Variants in GLI3 observed in about 807,000 individuals in gnomAD.
The protein encoded by GLI3 is GLI family zinc finger 3, also known as transcription activator GLI3.
GLI3 carries 20 observed loss-of-function variants against 100.8 expected under a neutral mutation model. The ratio of observed to expected loss-of-function variants is 0.20; its 90% CI spans 0.14 to 0.29. The LOEUF is 0.29. Among genes scored for constraint, GLI3 ranks in the 10% least tolerant of loss-of-function variants. The probability of loss-of-function intolerance (pLI) is 1.00; values close to 1 mark genes in which losing one functional copy is unlikely to be tolerated. For missense variants in GLI3, 2,040 were observed against 2,128.5 expected, an observed-to-expected ratio of 0.96 and a Z score of 0.82; for synonymous variants, 938 against 860.5, an observed-to-expected ratio of 1.09 and a Z score of -1.58.
intron 4 of GLI3, among the ~76,000 whole-genome samples, chr7:42,073,342 G>A (rs926223080): frequency 1.2e-4 from 19 of 152,220 alleles, no homozygotes; most frequent in South Asian, 6.2e-4. Flanking sequence ...ACAAACTGAC[G>A]TATTTCCGTA....
intron 3 of GLI3, among the ~76,000 whole-genome samples, chr7:42,144,653 T>C (rs1022242626): frequency 5.9e-5 from 9 of 152,174 alleles, no homozygotes; most frequent in Non-Finnish European, 1.3e-4. Context: ...AATAAAAATT[T>C]TACAGATGTC....
At chr7:42,211,960 A>C (rs937770935) in intron 2 of GLI3, among the ~76,000 whole-genome samples, 9 of 152,158 alleles carry the variant, frequency 5.9e-5, no homozygotes, top group Non-Finnish European at 1.2e-4. Context: ...TTTTCCATTC[A>C]ACTTTTCTTT....
At chr7:42,066,677 G>A (rs537253361) in intron 4 of GLI3, among the ~76,000 whole-genome samples, 1 of 152,236 alleles carries the variant, frequency 6.6e-6, no homozygotes, top group African/African-American at 2.4e-5. Flanking sequence ...ATCCACAACC[G>A]TGCAGCTATT....
intron 9 of GLI3, among the ~76,000 whole-genome samples, chr7:42,024,401 G>A (rs28491362): frequency 0.07 from 10,617 of 151,548 alleles, 468 homozygotes; most frequent in Non-Finnish European, 0.096. Flanking sequence ...GCTGTCTGGC[G>A]ATATGCAAGA....
chr7:42,069,343 G>T (rs1318566714), intron 4 of GLI3, among the ~76,000 whole-genome samples: 1 of 152,188 alleles, frequency 6.6e-6, no homozygotes, highest in Admixed American at 6.5e-5. Flanking sequence ...GCAAAGTAAA[G>T]TGTGTATCGG....
At position 42,256,993 on chromosome 7, in the gene GLI3, T is replaced by G. The variant is rs988700865; in HGVS notation, c.-43+7001A>C. Among the ~76,000 whole-genome samples the G allele has an allele frequency of 2.6e-5, 4 of 152,182 alleles. No individual in the cohort carries two copies. In the East Asian group the frequency reaches 7.7e-4, roughly 29 times the overall value. ...ATTTTATTTCACATGTCTTGCATAT[T>G]ACTTGTTAAACCTAGCCCTAAATTT... On this transcript the variant is annotated intron_variant, in intron 1 of 2. Transcript: ENST00000678978.
At chr7:42,111,812 C>T (rs1253083062) in intron 3 of GLI3, among the ~76,000 whole-genome samples, 1 of 152,158 alleles carries the variant, frequency 6.6e-6, no homozygotes, top group Non-Finnish European at 1.5e-5. Flanking sequence ...CTTAGGTTTG[C>T]ACAGTCTGTA....
intron 10 of GLI3, among the ~76,000 whole-genome samples, chr7:42,016,353 C>T (rs1788762478): frequency 6.6e-6 from 1 of 152,182 alleles, no homozygotes; most frequent in African/African-American, 2.4e-5. Flanking sequence ...CGACATCTTT[C>T]TGCAATTACT....
chr7:42,055,077 A>G lies in GLI3; in HGVS notation c.474-6381T>C, dbSNP rs142748241. Among the ~76,000 whole-genome samples the G allele has an allele frequency of 3.4e-3, 439 of 129,676 alleles. 6 individuals carry two copies. The highest frequency in any genetic ancestry group is 0.033 in the East Asian group (169 of 5,046). The allele number at this position is 129,676 out of a possible 152,430, so 85.1% of individuals were successfully genotyped here. A position where few individuals can be genotyped will look rare whatever the true frequency, so the allele number is the denominator to read the frequency against. On this transcript the variant is annotated intron_variant, in intron 4 of 14. Transcript: ENST00000395925. ...CACACACATATATGTATACATATAT[A>G]TGTATATATACATATATACACATAT...
intron 2 of GLI3, among the ~76,000 whole-genome samples, chr7:42,189,143 T>C (rs1787777125): frequency 6.6e-6 from 1 of 152,164 alleles, no homozygotes; most frequent in Non-Finnish European, 1.5e-5. Flanking sequence ...AATTTTGCTA[T>C]GGACCCAGTA....
At chr7:41,990,430 A>G (rs1787953619) in intron 10 of GLI3, among the ~76,000 whole-genome samples, 1 of 152,180 alleles carries the variant, frequency 6.6e-6, no homozygotes, top group South Asian at 2.1e-4. Context: ...GAAAAACGAG[A>G]TCCAATTTGA....
intron 10 of GLI3, among the ~76,000 whole-genome samples, chr7:42,020,116 C>T (rs998209082): frequency 1.3e-4 from 20 of 152,080 alleles, no homozygotes; most frequent in African/African-American, 3.4e-4. Flanking sequence ...AAAGGAAAGG[C>T]GAATGTTTAG....
chr7:42,098,535 C>G (rs1785390911), intron 3 of GLI3, among the ~76,000 whole-genome samples: 1 of 152,190 alleles, frequency 6.6e-6, no homozygotes, highest in Admixed American at 6.5e-5. Flanking sequence ...CTCCATATCT[C>G]TGAACATCCA....
chr7:42,223,014 C>T, intron 2 of GLI3, 116 bp downstream of exon 2: 1 of 1,230,062 alleles, frequency 8.1e-7, no homozygotes, highest in Non-Finnish European at 1.2e-6. Context: ...CATTTGCTTT[C>T]TTTAGCGTCT....
intron 2 of GLI3, among the ~76,000 whole-genome samples, chr7:42,182,683 CACAT>C (rs1461512381): frequency 4.2e-4 from 23 of 54,794 alleles, no homozygotes; most frequent in African/African-American, 1.8e-3. Context: ...TATATATATA[CACAT>C]GTGTGTATAT....
intron 2 of GLI3, among the ~76,000 whole-genome samples, chr7:42,222,520 C>T (rs1788505202): frequency 6.6e-6 from 1 of 152,184 alleles, no homozygotes; most frequent in African/African-American, 2.4e-5. Context: ...AACTGAAATG[C>T]CTCTCAACAC....
At chr7:42,138,806 T>C (rs1029511222) in intron 3 of GLI3, among the ~76,000 whole-genome samples, 3 of 152,216 alleles carry the variant, frequency 2.0e-5, no homozygotes, top group African/African-American at 4.8e-5. Flanking sequence ...ACAATCAGGA[T>C]GCAGATCTGG....
At chr7:42,135,436 C>A (rs1489009401) in intron 3 of GLI3, among the ~76,000 whole-genome samples, 1 of 152,178 alleles carries the variant, frequency 6.6e-6, no homozygotes, top group South Asian at 2.1e-4. Flanking sequence ...CCAGATATAT[C>A]TCAGGTCAAA....
At chr7:41,992,367 C>T (rs1012021099) in intron 10 of GLI3, among the ~76,000 whole-genome samples, 1 of 152,074 alleles carries the variant, frequency 6.6e-6, no homozygotes, top group African/African-American at 2.4e-5. Context: ...TGACGATTAC[C>T]CTTCTGTGTG....
Sources: gnomAD v4.1 joint callset for allele counts (sites outside exome capture counted in the v4.1 genomes callset) on GRCh38, gnomAD v4.1.1 for gene constraint, MANE v1.5 for transcripts, NCBI Gene and HGNC (gene_info 2026-07-23, HGNC 2026-07-21) for gene names.